The following PRRC2B variants were observed in gnomAD, a reference collection of about 807,000 sequenced individuals.
PRRC2B encodes the protein protein PRRC2B.
PRRC2B carries 68 observed loss-of-function variants against 242.3 expected under a neutral mutation model. The observed-to-expected ratio is 0.28, with a 90% CI of 0.23 to 0.34. PRRC2B has a LOEUF of 0.34. PRRC2B is among the 10% of genes least tolerant of loss of function. PRRC2B has a pLI of 1.00. For synonymous variants in PRRC2B, 1,228 were observed against 1,173.6 expected, an observed-to-expected ratio of 1.05 and a Z score of -0.95; for missense variants, 2,835 against 2,954.8, an observed-to-expected ratio of 0.96 and a Z score of 0.94.
chr9:131,390,929 G>A (rs541145279), upstream of PRRC2B, among the ~76,000 whole-genome samples: 496 of 151,908 alleles, frequency 3.3e-3, 1 homozygote, highest in Middle Eastern at 0.01. Context: ...TGGGATTACA[G>A]GCACATACCA....
chr9:131,477,419 G>C (rs1047081287), intron 16 of PRRC2B, among the ~76,000 whole-genome samples: 1 of 152,234 alleles, frequency 6.6e-6, no homozygotes, highest in Non-Finnish European at 1.5e-5. Context: ...GGCAGTCCTG[G>C]AGAGGAGCAG....
intron 28 of PRRC2B, among the ~76,000 whole-genome samples, chr9:131,488,594 T>C (rs529789961): frequency 6.6e-6 from 1 of 152,316 alleles, no homozygotes; most frequent in Admixed American, 6.5e-5. Context: ...GAGACCTGGC[T>C]GTCCCCTAAG....
intron 1 of PRRC2B, among the ~76,000 whole-genome samples, chr9:131,418,731 T>TCA (rs1225605045): frequency 1.3e-5 from 2 of 152,250 alleles, no homozygotes; most frequent in Non-Finnish European, 2.9e-5. Flanking sequence ...TGTGCTCAGC[T>TCA]CAGCCTTTCT....
chr9:131,408,198 TGAG>T (rs1837417332), intron 1 of PRRC2B, among the ~76,000 whole-genome samples: 1 of 152,210 alleles, frequency 6.6e-6, no homozygotes, highest in Non-Finnish European at 1.5e-5. Context: ...ATTTACCTAA[TGAG>T]AGGTCTCGGG....
At chr9:131,437,212 T>G (rs1838404010) in intron 4 of PRRC2B, among the ~76,000 whole-genome samples, 1 of 152,254 alleles carries the variant, frequency 6.6e-6, no homozygotes, top group Non-Finnish European at 1.5e-5. Flanking sequence ...TGTGACTCTC[T>G]GAGAAGAGGA....
intron 1 of PRRC2B, among the ~76,000 whole-genome samples, chr9:131,375,380 C>CA (rs763695297): frequency 6.6e-6 from 1 of 151,666 alleles, no homozygotes; most frequent in Non-Finnish European, 1.5e-5. Context: ...GCCTGGGTGA[C>CA]AGAGCAAGAC....
intron 5 of PRRC2B, among the ~76,000 whole-genome samples, chr9:131,441,586 T>C (rs1026221779): frequency 2.0e-5 from 3 of 152,106 alleles, no homozygotes; most frequent in African/African-American, 7.2e-5. Flanking sequence ...GCCCACAGAA[T>C]CGACACACTG....
rs1036156773 is a variant in PRRC2B, at chr9:131,434,086, T to TA, written c.293+1293dup. On this transcript the variant is annotated intron_variant, in intron 3 of 31. Transcript: ENST00000683519. Reference sequence around the variant, plus strand: ...TGTCCCCCCCTTGAAATAGGAATGATACCTGGCTTTGCTGGTGGTTACACG... The same window carrying TA: ...TGTCCCCCCCTTGAAATAGGAATGATAACCTGGCTTTGCTGGTGGTTACACG... 2.5e-4 allele frequency among the ~76,000 whole-genome samples: 38 copies of TA among 152,254 alleles called. No individual in the cohort carries two copies. In the East Asian group the frequency reaches 2.9e-3, roughly 12 times the overall value.
In PRRC2B at chr9:131,406,285, A is replaced by T. The variant is rs561914292; in HGVS notation, c.-52+12022A>T. Among the ~76,000 whole-genome samples the T allele has an allele frequency of 9.8e-5, 15 of 152,322 alleles. No individual in the cohort carries two copies. In the East Asian group the frequency reaches 2.7e-3, roughly 27 times the overall value. On this transcript the variant is annotated intron_variant, in intron 1 of 31. Transcript: ENST00000683519. The stretch of plus-strand genomic sequence containing the variant: ...AGGGCCTCCCATGGGCAGGTGCATC[A>T]GGGCTCTTCTGTACATCTCTCCACA...
rs191005969 is a variant in PRRC2B, at chr9:131,382,247, C to G, written c.-56+8516C>G. On this transcript the variant is annotated intron_variant, in intron 1 of 1. Coordinates refer to the PRRC2B transcript ENST00000682525. The stretch of plus-strand genomic sequence containing the variant: ...GGTCAGGATGGTCTCAAACTCCTGA[C>G]TTCAGGTGATCCACCCTCCTCGGCT... 9.9e-5 allele frequency among the ~76,000 whole-genome samples: 15 copies of G among 152,244 alleles called. No individual in the cohort carries two copies. The East Asian group carries it at 2.9e-3, about 29-fold the overall frequency.
intron 16 of PRRC2B, among the ~76,000 whole-genome samples, chr9:131,476,799 T>C (rs1261016913): frequency 1.4e-5 from 2 of 144,622 alleles, no homozygotes; most frequent in Non-Finnish European, 3.0e-5. Context: ...AGTCCAGTCA[T>C]GTGTCCCTGG....
chr9:131,447,892 G>C (rs973315580), intron 9 of PRRC2B, 88 bp downstream of exon 9: 26 of 1,418,874 alleles, frequency 1.8e-5, no homozygotes, highest in Non-Finnish European at 2.5e-5. Flanking sequence ...GCACCACCGT[G>C]TGTTTTCCCT....
intron 26 of PRRC2B, chr9:131,486,528 T>C: frequency 1.0e-6 from 1 of 985,444 alleles, no homozygotes; most frequent in Non-Finnish European, 1.2e-6. Flanking sequence ...CAGGCATGGA[T>C]GCATTAGAAA....
intron 1 of PRRC2B, among the ~76,000 whole-genome samples, chr9:131,416,882 A>G (rs1412005139): frequency 6.6e-6 from 1 of 152,102 alleles, no homozygotes; most frequent in East Asian, 1.9e-4. Flanking sequence ...GGGGAAAAAA[A>G]GTTTATTTCA....
intron 4 of PRRC2B, among the ~76,000 whole-genome samples, chr9:131,436,987 TA>T (rs1390694926): frequency 1.3e-5 from 2 of 152,182 alleles, no homozygotes; most frequent in African/African-American, 4.8e-5. Flanking sequence ...CCTCTTGATT[TA>T]CCGTGAGGCA....
At chr9:131,452,040 A>T (rs1050944168) in intron 9 of PRRC2B, among the ~76,000 whole-genome samples, 3 of 151,740 alleles carry the variant, frequency 2.0e-5, no homozygotes, top group Non-Finnish European at 4.4e-5. Context: ...CTGGGCTTAT[A>T]AAATGAGTTG....
intron 1 of PRRC2B, among the ~76,000 whole-genome samples, chr9:131,385,942 C>T (rs1316995980): frequency 6.6e-6 from 1 of 150,404 alleles, no homozygotes; most frequent in Non-Finnish European, 1.5e-5. Context: ...ATCCGCCCAC[C>T]TCGGCCTCCC....
intron 1 of PRRC2B, among the ~76,000 whole-genome samples, chr9:131,378,921 G>A (rs1836720457): frequency 6.6e-6 from 1 of 152,154 alleles, no homozygotes; most frequent in Middle Eastern, 3.2e-3. Flanking sequence ...GTTTCACCAT[G>A]TTGGCCAGGC....
intron 17 of PRRC2B, 145 bp from the exon 18 acceptor site, chr9:131,478,329 A>ATC: frequency 1.3e-6 from 1 of 786,436 alleles, no homozygotes; most frequent in South Asian, 1.7e-5. Context: ...AATGTGTTAG[A>ATC]TCAGAGGCGG....
Sources: allele counts gnomAD v4.1 joint callset (sites outside exome capture counted in the v4.1 genomes callset), GRCh38; gene constraint gnomAD v4.1.1; transcripts MANE v1.5; gene names NCBI Gene and HGNC (gene_info 2026-07-23, HGNC 2026-07-21).